INTS9: variants seen among roughly 807,000 people sequenced by gnomAD.
The protein encoded by INTS9 is protein related to CPSF subunits of 74 kDa.
Under a neutral mutation model 79.7 loss-of-function variants are expected in INTS9, and 55 were observed. The ratio of observed to expected loss-of-function variants is 0.69; its 90% CI spans 0.56 to 0.86. The LOEUF is 0.86. Among genes scored for constraint, INTS9 ranks in the 40% least tolerant of loss-of-function variants. The pLI is 0.00. For missense variants in INTS9, 721 were observed against 831.5 expected (o/e 0.87, Z 1.64); for synonymous variants, 319 against 325.2 (o/e 0.98, Z 0.20).
In INTS9 at chr8:28,846,475, T is replaced by C. The variant is rs115743246; in HGVS notation, c.261+272A>G. Among the ~76,000 whole-genome samples the C allele has an allele frequency of 3.2e-3, 494 of 152,276 alleles. 1 individual carries two copies. The highest frequency in any genetic ancestry group is 0.011 in the African/African-American group (464 of 41,546). ...AACTAAAAGGCTTGAGTTAGTTCCT[T>C]ACCTTGCTCAAAACTATGCCCTACT... On this transcript the variant is annotated intron_variant, in intron 4 of 16. Transcript: ENST00000521022.
chr8:28,885,097 T>C lies in INTS9; in HGVS notation c.9+4777A>G, dbSNP rs577117196. Among the ~76,000 whole-genome samples the C allele has an allele frequency of 3.3e-5, 5 of 152,358 alleles. No homozygotes were observed. In the South Asian group the frequency reaches 1.0e-3, roughly 32 times the overall value. ...CTTCCACTGGGAGCAGTCCATGAAT[T>C]CATTTCTTTGCTCCATCTGTTTTCC... On this transcript the variant is annotated intron_variant, in intron 1 of 16. Coordinates refer to ENST00000521022, the MANE Select transcript of INTS9 (RefSeq NM_018250.4).
chr8:28,820,385 A>G (rs1281955294), intron 6 of INTS9, among the ~76,000 whole-genome samples: 4 of 152,102 alleles, frequency 2.6e-5, no homozygotes, highest in Admixed American at 2.6e-4. Context: ...TTGTCTGTAC[A>G]CTTATGAAGC....
chr8:28,815,555 T>C (rs758308826), intron 6 of INTS9, among the ~76,000 whole-genome samples: 1 of 152,160 alleles, frequency 6.6e-6, no homozygotes, highest in Non-Finnish European at 1.5e-5. Context: ...GATTTTGGAT[T>C]TGGGATGCTC....
rs753544132 is a variant in INTS9, at chr8:28,813,488, T to G, written c.609+4A>C. 5.0e-6 allele frequency: 8 copies of G among 1,612,594 alleles called. No homozygotes were observed. Among genetic ancestry groups the G allele is most frequent in the South Asian group, 2.2e-5 (2 of 90,954 alleles). ...AATAACTGAAATGTAATATGAATAC[T>G]CACAATTTTCTGAGAATATCCCACC... On this transcript the variant is annotated splice_donor_region_variant and intron_variant, in intron 7 of 16. Transcript: ENST00000521022.
At chr8:28,864,506 A>G (rs770378113) in intron 1 of INTS9, among the ~76,000 whole-genome samples, 1 of 152,252 alleles carries the variant, frequency 6.6e-6, no homozygotes, top group Non-Finnish European at 1.5e-5. Flanking sequence ...CAAATAATTC[A>G]TTGACTCTAA....
rs1316067386 is a variant in INTS9 at position 28,808,967 on chromosome 8, T to G, written c.744+3360A>C. Among the ~76,000 whole-genome samples, 3 of 148,386 alleles carry G rather than the reference T, an allele frequency of 2.0e-5. No homozygotes were observed. In the East Asian group the frequency reaches 6.1e-4, roughly 30 times the overall value. On this transcript the variant is annotated intron_variant, in intron 8 of 16. Transcript: ENST00000521022. The stretch of plus-strand genomic sequence containing the variant: ...GCCATTATAACTTTTTTTTTTTTTT[T>G]GAGACAGGGTCTTGCTCTGTTGCCC...
chr8:28,822,033 C>T (rs1162641671), intron 6 of INTS9, among the ~76,000 whole-genome samples: 1 of 152,044 alleles, frequency 6.6e-6, no homozygotes, highest in Non-Finnish European at 1.5e-5. Context: ...TCCCAAAGTG[C>T]TGGGATTATG....
intron 4 of INTS9, among the ~76,000 whole-genome samples, chr8:28,838,629 T>A (rs988105049): frequency 4.6e-5 from 7 of 152,234 alleles, no homozygotes; most frequent in African/African-American, 1.7e-4. Flanking sequence ...TTTAACTTTT[T>A]ATTTCTTTTT....
intron 6 of INTS9, among the ~76,000 whole-genome samples, chr8:28,820,253 G>T (rs1345446782): frequency 6.6e-6 from 1 of 152,118 alleles, no homozygotes; most frequent in East Asian, 1.9e-4. Context: ...AGCCTTGATG[G>T]TCTTTACAAT....
rs1810533792 is a variant in INTS9, at chr8:28,889,890, T to C, written c.-8A>G. On this transcript the variant is annotated 5_prime_UTR_variant, in exon 1 of 17. Transcript: ENST00000521022. Reference sequence around the variant, plus strand: ...AAGACTCACCAGTTTCATAATGGACTTTTGGTGGTTCAATAGCAGTCACTG... The same window carrying C: ...AAGACTCACCAGTTTCATAATGGACCTTTGGTGGTTCAATAGCAGTCACTG... 1.2e-6 allele frequency: 2 copies of C among 1,613,394 alleles called. No individual in the cohort carries two copies. The highest frequency in any genetic ancestry group is 1.7e-6 in the Non-Finnish European group (2 of 1,179,460).
intron 6 of INTS9, among the ~76,000 whole-genome samples, chr8:28,817,468 T>C (rs1805558594): frequency 6.6e-6 from 1 of 152,164 alleles, no homozygotes. Context: ...TAGTTGTAGA[T>C]ATGTGGCGTT....
chr8:28,815,888 G>A (rs1563270682), intron 6 of INTS9, among the ~76,000 whole-genome samples: 1 of 152,068 alleles, frequency 6.6e-6, no homozygotes, highest in East Asian at 1.9e-4. Flanking sequence ...AAAGAACACA[G>A]TGTACACTTG....
intron 6 of INTS9, among the ~76,000 whole-genome samples, chr8:28,833,034 T>C (rs1489594234): frequency 1.3e-5 from 2 of 151,986 alleles, no homozygotes; most frequent in African/African-American, 4.8e-5. Flanking sequence ...ATTAACACAT[T>C]TAGAAGGTGC....
intron 6 of INTS9, among the ~76,000 whole-genome samples, chr8:28,828,897 G>T (rs1165643163): frequency 6.6e-6 from 1 of 152,120 alleles, no homozygotes; most frequent in Non-Finnish European, 1.5e-5. Context: ...TGGTCACACT[G>T]GTCTTGAACT....
intron 7 of INTS9, among the ~76,000 whole-genome samples, chr8:28,813,174 A>C (rs913334776): frequency 4.6e-5 from 7 of 152,198 alleles, no homozygotes; most frequent in African/African-American, 1.7e-4. Context: ...GTCAGAGCTC[A>C]AAAGTCACAC....
intron 1 of INTS9, among the ~76,000 whole-genome samples, chr8:28,877,143 A>G (rs1809437109): frequency 6.6e-6 from 1 of 152,154 alleles, no homozygotes; most frequent in Admixed American, 6.5e-5. Flanking sequence ...AATGTCTGAG[A>G]GCAGCCTGGA....
rs765786520 is a variant in INTS9, at chr8:28,837,720, A to G, written c.318T>C (p.Cys106=). 65 of 1,613,968 alleles carry G rather than the reference A, an allele frequency of 4.0e-5. No homozygotes were observed. The highest frequency in any genetic ancestry group is 5.2e-5 in the Non-Finnish European group (61 of 1,179,976). Residue 106 remains cysteine (C), a synonymous_variant, in exon 5 of 17, where the codon TGT becomes TGC. Transcript: ENST00000521022. Reference sequence around the variant, plus strand: ...CGGTGATGTATGGCAGCGCCATCATACAGTGATAGTTAGAGATGAGAATCA... The same window carrying G: ...CGGTGATGTATGGCAGCGCCATCATGCAGTGATAGTTAGAGATGAGAATCA... ...VDVILISNYH[C]MMALPYITEH... is the part of the protein sequence containing the mutation.
intron 11 of INTS9, among the ~76,000 whole-genome samples, chr8:28,785,866 T>C (rs1434866321): frequency 6.6e-6 from 1 of 152,202 alleles, no homozygotes. Context: ...CAGCACAGGA[T>C]TCATTCCAGC....
chr8:28,857,979 G>A (rs1453954174), intron 2 of INTS9, among the ~76,000 whole-genome samples: 1 of 152,196 alleles, frequency 6.6e-6, no homozygotes, highest in Non-Finnish European at 1.5e-5. Flanking sequence ...CCCTCTGAGA[G>A]TGAAAGAATG....
Sources: allele counts gnomAD v4.1 joint callset (sites outside exome capture counted in the v4.1 genomes callset), GRCh38; gene constraint gnomAD v4.1.1; transcripts MANE v1.5; gene names NCBI Gene and HGNC (gene_info 2026-07-23, HGNC 2026-07-21).